The following CAMK1D variants were observed in gnomAD, a reference collection of about 807,000 sequenced individuals.
CAMK1D encodes calcium/calmodulin-dependent protein kinase type 1D.
A neutral mutation model predicts 47.7 loss-of-function variants in CAMK1D; 9 were observed. The observed-to-expected ratio is 0.19, with a 90% CI of 0.11 to 0.33. The LOEUF (loss-of-function observed/expected upper bound fraction) is 0.33. Ranked by LOEUF, CAMK1D falls within the 10% of genes least tolerant of loss-of-function variation. CAMK1D has a pLI of 1.00. For missense variants in CAMK1D, 291 were observed against 488.7 expected, an observed-to-expected ratio of 0.60 and a Z score of 3.81; for synonymous variants, 184 against 184.9, an observed-to-expected ratio of 0.99 and a Z score of 0.04.
intron 2 of CAMK1D, among the ~76,000 whole-genome samples, chr10:12,570,409 T>G (rs1329260391): frequency 1.3e-5 from 2 of 152,024 alleles, no homozygotes; most frequent in African/African-American, 4.8e-5. Flanking sequence ...CTGGGCGCAG[T>G]GGCTCACACC....
chr10:12,353,360 A>G (rs1837407585), intron 1 of CAMK1D, among the ~76,000 whole-genome samples: 1 of 152,202 alleles, frequency 6.6e-6, no homozygotes, highest in African/African-American at 2.4e-5. Flanking sequence ...GTTCACATGT[A>G]TTTAAAATAA....
At chr10:12,693,462 A>G (rs557718597) in intron 3 of CAMK1D, among the ~76,000 whole-genome samples, 41 of 152,096 alleles carry the variant, frequency 2.7e-4, no homozygotes, top group Admixed American at 1.8e-3. Context: ...AAAAATACCA[A>G]AAAACAAAAA....
At chr10:12,642,685 T>G (rs1839698924) in intron 2 of CAMK1D, among the ~76,000 whole-genome samples, 1 of 152,252 alleles carries the variant, frequency 6.6e-6, no homozygotes, top group South Asian at 2.1e-4. Context: ...GATTTCTTTT[T>G]TTTCACATTT....
chr10:12,591,742 G>A (rs146893462), intron 2 of CAMK1D, among the ~76,000 whole-genome samples: 1 of 152,328 alleles, frequency 6.6e-6, no homozygotes, highest in African/African-American at 2.4e-5. Context: ...CCCCCAGGCT[G>A]GAGTGCAATG....
intron 6 of CAMK1D, among the ~76,000 whole-genome samples, chr10:12,806,425 C>T (rs903296050): frequency 2.6e-4 from 39 of 152,220 alleles, no homozygotes; most frequent in African/African-American, 9.4e-4. Flanking sequence ...CACACCTCCT[C>T]CCGGGAGCCT....
chr10:12,798,144 C>G (rs751210157), intron 6 of CAMK1D, among the ~76,000 whole-genome samples: 2 of 152,190 alleles, frequency 1.3e-5, no homozygotes, highest in African/African-American at 4.8e-5. Flanking sequence ...CCCTGAATGG[C>G]GTGGCTTCAG....
rs550748242 is a variant in CAMK1D, at chr10:12,389,828, G to A, written c.92+39918G>A. On this transcript the variant is annotated intron_variant, in intron 1 of 10. Transcript: ENST00000619168. Reference sequence around the variant, plus strand: ...GTCACAAAATCTGTGGCTTTGGATTGTCATTTGATTTTTTTTTTTTGATGC... The same window carrying A: ...GTCACAAAATCTGTGGCTTTGGATTATCATTTGATTTTTTTTTTTTGATGC... 2.0e-5 allele frequency among the ~76,000 whole-genome samples: 3 copies of A among 150,056 alleles called. No individual in the cohort carries two copies. The South Asian group carries it at 6.5e-4, about 32-fold the overall frequency.
chr10:12,397,018 G>A (rs966396248), intron 1 of CAMK1D, among the ~76,000 whole-genome samples: 2 of 152,280 alleles, frequency 1.3e-5, no homozygotes, highest in South Asian at 4.2e-4. Flanking sequence ...CAGCTCCTCC[G>A]CAGCCATTGG....
chr10:12,651,968 A>G (rs1839983711), intron 2 of CAMK1D, among the ~76,000 whole-genome samples: 1 of 150,608 alleles, frequency 6.6e-6, no homozygotes, highest in African/African-American at 2.4e-5. Flanking sequence ...TTCAGTAGAG[A>G]TGGGGTTTCA....
At chr10:12,399,417 T>C (rs1373442089) in intron 1 of CAMK1D, among the ~76,000 whole-genome samples, 1 of 151,768 alleles carries the variant, frequency 6.6e-6, no homozygotes, top group African/African-American at 2.4e-5. Context: ...GGCAGGAGAA[T>C]CACTTGAACT....
intron 1 of CAMK1D, among the ~76,000 whole-genome samples, chr10:12,362,643 G>A (rs542239491): frequency 2.3e-4 from 35 of 152,146 alleles, no homozygotes; most frequent in African/African-American, 7.2e-4. Context: ...GACTACAGGC[G>A]CCCGCCATGA....
At chr10:12,741,198 A>G (rs1382485836) in intron 3 of CAMK1D, among the ~76,000 whole-genome samples, 2 of 152,230 alleles carry the variant, frequency 1.3e-5, no homozygotes, top group African/African-American at 2.4e-5. Context: ...AAACGGGGGT[A>G]CAGAGTTTCC....
At chr10:12,747,851 C>A (rs1038767414) in intron 3 of CAMK1D, among the ~76,000 whole-genome samples, 6 of 152,102 alleles carry the variant, frequency 3.9e-5, no homozygotes, top group African/African-American at 1.4e-4. Context: ...AGGAGGGATC[C>A]CCTCATATTC....
At chr10:12,766,810 G>A (rs1232853650) in intron 4 of CAMK1D, among the ~76,000 whole-genome samples, 1 of 152,140 alleles carries the variant, frequency 6.6e-6, no homozygotes, top group African/African-American at 2.4e-5. Flanking sequence ...ATTCTCCAAC[G>A]TAGCAGACCG....
intron 3 of CAMK1D, among the ~76,000 whole-genome samples, chr10:12,686,828 C>T (rs1832683269): frequency 6.6e-6 from 1 of 152,236 alleles, no homozygotes; most frequent in African/African-American, 2.4e-5. Flanking sequence ...AAAGATTAAA[C>T]AGGCTCTATT....
chr10:12,620,600 A>G (rs927117190), intron 2 of CAMK1D, among the ~76,000 whole-genome samples: 4 of 152,138 alleles, frequency 2.6e-5, no homozygotes, highest in African/African-American at 9.7e-5. Flanking sequence ...TCTTTTGCTC[A>G]TGTTCTATCT....
At chr10:12,762,180 A>G (rs779404469) in intron 4 of CAMK1D, among the ~76,000 whole-genome samples, 2 of 152,196 alleles carry the variant, frequency 1.3e-5, no homozygotes, top group Non-Finnish European at 2.9e-5. Context: ...ACCTCATTCT[A>G]GGATGTTTAC....
chr10:12,443,238 A>G (rs554828089), intron 1 of CAMK1D, among the ~76,000 whole-genome samples: 10 of 152,304 alleles, frequency 6.6e-5, no homozygotes, highest in Non-Finnish European at 1.0e-4. Flanking sequence ...TGTAAAATGT[A>G]TTCAGTATTC....
chr10:12,654,513 C>A (rs1292725193), intron 2 of CAMK1D, among the ~76,000 whole-genome samples: 1 of 152,116 alleles, frequency 6.6e-6, no homozygotes, highest in Non-Finnish European at 1.5e-5. Flanking sequence ...TGACAGTATT[C>A]CTTTAAATGT....
Sources: allele counts gnomAD v4.1 joint callset (sites outside exome capture counted in the v4.1 genomes callset), GRCh38; gene constraint gnomAD v4.1.1; transcripts MANE v1.5; gene names NCBI Gene and HGNC (gene_info 2026-07-23, HGNC 2026-07-21).